Variants in ZDHHC20 observed in about 807,000 individuals in gnomAD.
ZDHHC20 encodes palmitoyltransferase ZDHHC20.
In ZDHHC20, 43 loss-of-function variants were observed where a neutral mutation model predicts 57.8. The observed-to-expected ratio is 0.74, with a 90% CI of 0.58 to 0.96. ZDHHC20 has a LOEUF of 0.96. Among genes scored for constraint, ZDHHC20 ranks in the 40% least tolerant of loss-of-function variants. ZDHHC20 has a pLI of 0.00. For synonymous variants in ZDHHC20, 157 were observed against 153.0 expected (o/e 1.03, Z -0.19); for missense variants, 391 against 441.1 (o/e 0.89, Z 1.02).
At chr13:21,427,006 G>A (rs1233180146) in intron 1 of ZDHHC20, among the ~76,000 whole-genome samples, 1 of 152,080 alleles carries the variant, frequency 6.6e-6, no homozygotes, top group Non-Finnish European at 1.5e-5. Flanking sequence ...TATGTGCCAT[G>A]TACCTTGTCT....
chr13:21,389,783 A>G (rs1209410573), intron 8 of ZDHHC20, among the ~76,000 whole-genome samples: 2 of 152,190 alleles, frequency 1.3e-5, no homozygotes, highest in Non-Finnish European at 2.9e-5. Context: ...CCAAGTGGGA[A>G]AACGGGCCTA....
chr13:21,454,259 G>A (rs1001412747), intron 1 of ZDHHC20, among the ~76,000 whole-genome samples: 27 of 152,114 alleles, frequency 1.8e-4, no homozygotes, highest in Admixed American at 6.5e-5. Context: ...CCAGGAGGAG[G>A]AGGTTGCAGT....
At chr13:21,448,305 T>C (rs1593283253) in intron 1 of ZDHHC20, among the ~76,000 whole-genome samples, 2 of 85,402 alleles carry the variant, frequency 2.3e-5, no homozygotes, top group Non-Finnish European at 2.6e-5. Context: ...AGCCGCCCCG[T>C]CCGGGAGGGA....
In ZDHHC20 at chr13:21,372,662, G is replaced by A. The variant is rs1297787102; in HGVS notation, c.*4034C>T. On this transcript the variant is annotated 3_prime_UTR_variant, in exon 13 of 13. Coordinates refer to ENST00000400590, the MANE Select transcript of ZDHHC20 (RefSeq NM_001330059.2). ...AATGTTCTGTGTACATGTCAATGTA[G>A]GTTAGGCCAGCCAAAAGACAAAGCA... 1 of 152,150 alleles carries A rather than the reference G, an allele frequency of 6.6e-6. No individual in the cohort carries two copies. The highest frequency in any genetic ancestry group is 1.9e-4 in the East Asian group (1 of 5,200). 9.4% of individuals were successfully genotyped at this position (152,150 alleles called of 1,614,324 possible). A position where few individuals can be genotyped will look rare whatever the true frequency, so the allele number is the denominator to read the frequency against.
intron 2 of ZDHHC20, among the ~76,000 whole-genome samples, chr13:21,424,014 T>C (rs897181617): frequency 6.6e-6 from 1 of 152,094 alleles, no homozygotes; most frequent in East Asian, 1.9e-4. Context: ...TTTAGAATAT[T>C]TCCTTTCTTC....
chr13:21,454,716 G>A (rs1300381781), intron 1 of ZDHHC20, among the ~76,000 whole-genome samples: 1 of 152,164 alleles, frequency 6.6e-6, no homozygotes, highest in African/African-American at 2.4e-5. Context: ...AATCAACAGT[G>A]TCAAGCTAGC....
At chr13:21,430,307 T>A (rs1018378233) in intron 1 of ZDHHC20, among the ~76,000 whole-genome samples, 1 of 152,018 alleles carries the variant, frequency 6.6e-6, no homozygotes, top group Non-Finnish European at 1.5e-5. Context: ...CACACATATC[T>A]TGGCTGGGAA....
intron 7 of ZDHHC20, among the ~76,000 whole-genome samples, chr13:21,394,600 CTTT>C (rs546161918): frequency 6.6e-6 from 1 of 152,066 alleles, no homozygotes; most frequent in Non-Finnish European, 1.5e-5. Flanking sequence ...GTTTACAAGT[CTTT>C]TTTTACTCAG....
At chr13:21,406,858 T>C (rs1040488340) in intron 4 of ZDHHC20, among the ~76,000 whole-genome samples, 1 of 152,224 alleles carries the variant, frequency 6.6e-6, no homozygotes, top group East Asian at 1.9e-4. Flanking sequence ...TGTGCATGTG[T>C]CTTTACAGAA....
Position 21,375,905 on chromosome 13 carries a change from C to A in ZDHHC20, c.*791G>T, listed in dbSNP as rs1257789119. ...GCACATGTACCTTTGTGTTTCTCTG[C>A]CCATGTACATACCCCTGAAAGTTCA... On this transcript the variant is annotated 3_prime_UTR_variant, in exon 13 of 13. Transcript: ENST00000400590. 2 of 152,058 alleles carry A rather than the reference C, an allele frequency of 1.3e-5. No homozygotes were observed. The highest frequency in any genetic ancestry group is 4.8e-5 in the African/African-American group (2 of 41,382). The allele number at this position is 152,058 out of a possible 1,614,324, so 9.4% of individuals were successfully genotyped here.
In ZDHHC20 at chr13:21,434,433, A is replaced by G. The variant is rs57780632; in HGVS notation, c.119-8755T>C. Among the ~76,000 whole-genome samples, 701 of 152,330 alleles carry G rather than the reference A, an allele frequency of 4.6e-3. 10 individuals carry two copies. The highest frequency in any genetic ancestry group is 0.016 in the African/African-American group (662 of 41,566). ...GTAGTTGTGCTGAATCAAAATTGTT[A>G]AAGCATATAGTATCCATTACAAACA... On this transcript the variant is annotated intron_variant, in intron 1 of 12. Transcript: ENST00000400590.
At chr13:21,424,844 A>AT (rs1881074802) in intron 2 of ZDHHC20, among the ~76,000 whole-genome samples, 1 of 152,234 alleles carries the variant, frequency 6.6e-6, no homozygotes, top group South Asian at 2.1e-4. Context: ...TACAGGAAAC[A>AT]TTTTTGATTT....
intron 1 of ZDHHC20, among the ~76,000 whole-genome samples, chr13:21,435,228 TTTTG>T (rs548529557): frequency 5.1e-4 from 78 of 152,320 alleles, no homozygotes; most frequent in Non-Finnish European, 7.1e-4. Flanking sequence ...CTGCTTACTT[TTTTG>T]TTTGTTTGTT....
In ZDHHC20 at chr13:21,374,633, T is replaced by G. The variant is rs1871755711; in HGVS notation, c.*2063A>C. ...AGAATCCATACTATAATATCCCAAA[T>G]TATGTTTTCAAAGCTAACTCATTCC... is the stretch of plus-strand genomic sequence containing the variant. On this transcript the variant is annotated 3_prime_UTR_variant, in exon 13 of 13. Transcript: ENST00000400590. The G allele has an allele frequency of 4.4e-6, 1 of 227,174 alleles. No individual in the cohort carries two copies. Among genetic ancestry groups the G allele is most frequent in the African/African-American group, 2.3e-5 (1 of 43,760 alleles). The allele number at this position is 227,174 out of a possible 1,614,324, so 14.1% of individuals were successfully genotyped here.
At chr13:21,431,483 T>TTA (rs71202416) in intron 1 of ZDHHC20, among the ~76,000 whole-genome samples, 6 of 151,484 alleles carry the variant, frequency 4.0e-5, no homozygotes, top group African/African-American at 1.2e-4. Flanking sequence ...TTTCATTACT[T>TTA]AATATCTAAA....
chr13:21,400,421 G>A lies in ZDHHC20; in HGVS notation c.546C>T (p.Cys182=). The change falls in exon 7 of 13, where the codon TGC becomes TGT. Residue 182 remains cysteine (C), a synonymous_variant. Coordinates refer to ENST00000400590, the MANE Select transcript of ZDHHC20 (RefSeq NM_001330059.2). The part of the protein sequence containing the change: ...LLFLLYSLLY[C]LFVAATVLEY... ...CTAAAACTGTTGCAGCCACGAAAAG[G>A]CAATATAATAGGGAATACAATAAAA... 6.2e-7 allele frequency: 1 copy of A among 1,602,982 alleles called. No homozygotes were observed. The highest frequency in any genetic ancestry group is 8.5e-7 in the Non-Finnish European group (1 of 1,176,034).
In ZDHHC20 at chr13:21,374,379, CA is replaced by C. The variant is rs753224999; in HGVS notation, c.*2316del. ...AGTTGGGACTACAGGCGTGTGCCAC[CA>C]TGCCTGGACAGTTTTGGGGTTTTTT... On this transcript the variant is annotated 3_prime_UTR_variant, in exon 13 of 13. Coordinates refer to ENST00000400590, the MANE Select transcript of ZDHHC20 (RefSeq NM_001330059.2). 2 of 455,388 alleles carry C rather than the reference CA, an allele frequency of 4.4e-6. No individual in the cohort carries two copies. The highest frequency in any genetic ancestry group is 8.8e-6 in the Non-Finnish European group (2 of 226,380). The allele number at this position is 455,388 out of a possible 1,614,324, so 28.2% of individuals were successfully genotyped here.
At chr13:21,395,496 CTTTT>C (rs201405874) in intron 7 of ZDHHC20, among the ~76,000 whole-genome samples, 1 of 120,500 alleles carries the variant, frequency 8.3e-6, no homozygotes. Flanking sequence ...CTTTTCTTTT[CTTTT>C]TTTTTTTTTT....
intron 3 of ZDHHC20, among the ~76,000 whole-genome samples, chr13:21,416,098 G>A (rs531310128): frequency 3.3e-5 from 5 of 151,546 alleles, no homozygotes; most frequent in Non-Finnish European, 7.4e-5. Flanking sequence ...CCAGCTACTC[G>A]GGAGGCTGAG....
Sources: gnomAD v4.1 joint callset for allele counts (sites outside exome capture counted in the v4.1 genomes callset) on GRCh38, gnomAD v4.1.1 for gene constraint, MANE v1.5 for transcripts, NCBI Gene and HGNC (gene_info 2026-07-23, HGNC 2026-07-21) for gene names.